Variants in PXT1 observed in about 807,000 individuals in gnomAD.
PXT1 encodes peroxisomal testis-specific protein 1.
PXT1 carries 11 observed loss-of-function variants against 11.0 expected under a neutral mutation model. That is an observed-to-expected ratio of 1.00 (90% CI 0.63 to 1.66). PXT1 has a LOEUF of 1.66. Among genes scored for constraint, PXT1 ranks in the 40% most tolerant of loss-of-function variants. The pLI, the probability that PXT1 is intolerant of heterozygous loss-of-function variation, is 0.00. For synonymous variants in PXT1, 43 were observed against 51.4 expected (o/e 0.84, Z 0.70); for missense variants, 141 against 155.5 (o/e 0.91, Z 0.49).
intron 2 of PXT1, among the ~76,000 whole-genome samples, chr6:36,428,634 A>G (rs1774642490): frequency 6.6e-6 from 1 of 152,150 alleles, no homozygotes; most frequent in Non-Finnish European, 1.5e-5. Context: ...AGAATGTTGG[A>G]TTTTATTTTT....
chr6:36,406,827 G>T (rs1774298922), intron 3 of PXT1, among the ~76,000 whole-genome samples: 1 of 135,278 alleles, frequency 7.4e-6, no homozygotes, highest in Non-Finnish European at 1.6e-5. Flanking sequence ...AAAAAAAAAA[G>T]ACTCAAGAAA....
chr6:36,439,659 A>C (rs998280085), intron 1 of PXT1, among the ~76,000 whole-genome samples: 22 of 149,658 alleles, frequency 1.5e-4, no homozygotes, highest in East Asian at 6.1e-4. Flanking sequence ...AAAAAAAAAA[A>C]AAACAACTAA....
At chr6:36,394,484 G>A (rs1192356239) in intron 4 of PXT1, among the ~76,000 whole-genome samples, 6 of 152,080 alleles carry the variant, frequency 3.9e-5, no homozygotes, top group African/African-American at 1.4e-4. Flanking sequence ...CTAATTCGAG[G>A]TGAGTTAAAT....
intron 2 of PXT1, among the ~76,000 whole-genome samples, chr6:36,431,899 C>T (rs541060013): frequency 6.6e-6 from 1 of 151,944 alleles, no homozygotes; most frequent in Non-Finnish European, 1.5e-5. Context: ...GGTGAAAGCC[C>T]GTCTCCACTA....
At chr6:36,434,252 A>C (rs1238052722) in intron 2 of PXT1, among the ~76,000 whole-genome samples, 1 of 152,164 alleles carries the variant, frequency 6.6e-6, no homozygotes, top group Non-Finnish European at 1.5e-5. Flanking sequence ...CCAGGATGAA[A>C]AGGCCCAGCA....
intron 2 of PXT1, among the ~76,000 whole-genome samples, chr6:36,429,508 C>CT (rs112777415): frequency 0.24 from 25,649 of 107,880 alleles, 3,441 homozygotes; most frequent in East Asian, 0.38. Flanking sequence ...TTTTTCTTTT[C>CT]TTTTTTTTTT....
intron 3 of PXT1, among the ~76,000 whole-genome samples, chr6:36,406,394 A>G (rs1394663202): frequency 3.3e-5 from 5 of 152,186 alleles, no homozygotes; most frequent in Admixed American, 3.3e-4. Context: ...ATGCCACAGG[A>G]CTATGTTGGG....
chr6:36,429,607 G>A (rs943211500), intron 2 of PXT1, among the ~76,000 whole-genome samples: 2 of 146,496 alleles, frequency 1.4e-5, no homozygotes, highest in African/African-American at 5.1e-5. Context: ...CCAGGTTCAA[G>A]CGATTCTTCT....
intron 4 of PXT1, among the ~76,000 whole-genome samples, chr6:36,399,044 T>C (rs934908362): frequency 2.1e-4 from 32 of 152,258 alleles, no homozygotes; most frequent in African/African-American, 6.3e-4. Flanking sequence ...TGGAATGAAA[T>C]TGGCTTATCA....
chr6:36,412,698 C>T (rs576616454), intron 3 of PXT1, among the ~76,000 whole-genome samples: 25 of 150,172 alleles, frequency 1.7e-4, no homozygotes, highest in South Asian at 1.1e-3. Flanking sequence ...TGGATTCAAG[C>T]GATCCTTTCA....
intron 2 of PXT1, among the ~76,000 whole-genome samples, chr6:36,434,158 C>G (rs908344050): frequency 1.3e-5 from 2 of 150,956 alleles, no homozygotes; most frequent in Non-Finnish European, 2.9e-5. Context: ...AGAGTAAGAC[C>G]CTGTCTCTAA....
intron 4 of PXT1, among the ~76,000 whole-genome samples, chr6:36,395,021 A>C (rs898907178): frequency 6.6e-5 from 10 of 152,134 alleles, no homozygotes; most frequent in Admixed American, 6.5e-4. Flanking sequence ...AAAAAGAGAG[A>C]GAGAGAGACA....
At chr6:36,436,474 G>A (rs1582275851) in intron 2 of PXT1, among the ~76,000 whole-genome samples, 1 of 152,192 alleles carries the variant, frequency 6.6e-6, no homozygotes, top group East Asian at 1.9e-4. Flanking sequence ...CATGGATAAT[G>A]CCAGGGTTTT....
intron 3 of PXT1, among the ~76,000 whole-genome samples, chr6:36,424,573 G>C (rs1774575264): frequency 6.6e-6 from 1 of 152,200 alleles, no homozygotes; most frequent in Admixed American, 6.5e-5. Context: ...CTGGGAGGCG[G>C]AGCTACAGTG....
At chr6:36,434,359 T>C (rs999370227) in intron 2 of PXT1, among the ~76,000 whole-genome samples, 2 of 152,130 alleles carry the variant, frequency 1.3e-5, no homozygotes, top group African/African-American at 4.8e-5. Flanking sequence ...AAGTAATGGG[T>C]ATACTTGTTG....
At chr6:36,421,766 G>A (rs759735793) in intron 3 of PXT1, among the ~76,000 whole-genome samples, 9 of 152,116 alleles carry the variant, frequency 5.9e-5, no homozygotes, top group Non-Finnish European at 1.2e-4. Flanking sequence ...CGCTGCACTA[G>A]CTTAGTTTCT....
intron 3 of PXT1, among the ~76,000 whole-genome samples, chr6:36,409,749 C>T (rs977181667): frequency 6.6e-6 from 1 of 150,972 alleles, no homozygotes; most frequent in Non-Finnish European, 1.5e-5. Context: ...TCACTTAAGC[C>T]TAGAAGTTTG....
chr6:36,399,550 G>A (rs1000377021), intron 4 of PXT1, among the ~76,000 whole-genome samples: 1 of 152,178 alleles, frequency 6.6e-6, no homozygotes, highest in African/African-American at 2.4e-5. Flanking sequence ...ATTTGGACCT[G>A]AGTATAAAAG....
At chr6:36,435,118 G>C (rs778715624) in intron 2 of PXT1, among the ~76,000 whole-genome samples, 3 of 151,890 alleles carry the variant, frequency 2.0e-5, no homozygotes, top group Non-Finnish European at 4.4e-5. Context: ...AGAAAAATTA[G>C]CAAAAGCTTT....
Sources: gnomAD v4.1 joint callset for allele counts (sites outside exome capture counted in the v4.1 genomes callset) on GRCh38, gnomAD v4.1.1 for gene constraint, MANE v1.5 for transcripts, NCBI Gene and HGNC (gene_info 2026-07-23, HGNC 2026-07-21) for gene names.